Variants in METTL16 observed in about 807,000 individuals in gnomAD.
The protein encoded by METTL16 is methyltransferase 16, RNA N6-adenosine, also known as RNA N(6)-adenosine-methyltransferase METTL16.
A neutral mutation model predicts 57.9 loss-of-function variants in METTL16; 19 were observed. The ratio of observed to expected loss-of-function variants is 0.33; its 90% CI spans 0.23 to 0.48. METTL16 has a LOEUF of 0.48. METTL16 is among the 20% of genes least tolerant of loss of function. The pLI is 0.99. For missense variants in METTL16, 434 were observed against 691.5 expected (o/e 0.63, Z 4.18); for synonymous variants, 246 against 255.6 (o/e 0.96, Z 0.36).
intron 2 of METTL16, among the ~76,000 whole-genome samples, chr17:2,483,121 A>C (rs2067318743): frequency 6.6e-6 from 1 of 152,126 alleles, no homozygotes; most frequent in South Asian, 2.1e-4. Context: ...ATTACAAAAG[A>C]CAAAACCAAC....
intron 6 of METTL16, among the ~76,000 whole-genome samples, chr17:2,459,121 A>G (rs2067131022): frequency 6.6e-6 from 1 of 152,102 alleles, no homozygotes; most frequent in Non-Finnish European, 1.5e-5. Context: ...GAGTCACTTG[A>G]GAAAAAAAAG....
chr17:2,501,857 C>CAA (rs71889986), intron 2 of METTL16, among the ~76,000 whole-genome samples: 9 of 100,460 alleles, frequency 9.0e-5, no homozygotes, highest in African/African-American at 2.0e-4. Flanking sequence ...GACTTTGTCT[C>CAA]AAAAAAAAAA....
chr17:2,461,658 C>G (rs890440741), intron 6 of METTL16, among the ~76,000 whole-genome samples: 1 of 149,794 alleles, frequency 6.7e-6, no homozygotes, highest in African/African-American at 2.5e-5. Context: ...TTCACTGCAA[C>G]CTCTGCCTCC....
intron 2 of METTL16, among the ~76,000 whole-genome samples, chr17:2,495,409 G>A (rs758622787): frequency 2.6e-5 from 4 of 151,982 alleles, no homozygotes; most frequent in Non-Finnish European, 5.9e-5. Context: ...TGAAAAAGAT[G>A]ATTTCGGCTG....
intron 1 of METTL16, among the ~76,000 whole-genome samples, chr17:2,506,201 C>A (rs1179527544): frequency 6.6e-6 from 1 of 151,608 alleles, no homozygotes; most frequent in African/African-American, 2.4e-5. Context: ...TCAGGAAGAT[C>A]TTTCCTTCCC....
chr17:2,476,638 T>C (rs1288981855), intron 3 of METTL16, among the ~76,000 whole-genome samples: 1 of 152,132 alleles, frequency 6.6e-6, no homozygotes, highest in East Asian at 1.9e-4. Context: ...ATCTAGAAAT[T>C]AGGACTGCTA....
chr17:2,447,133 G>T (rs1263441774), intron 6 of METTL16, among the ~76,000 whole-genome samples: 1 of 143,268 alleles, frequency 7.0e-6, no homozygotes, highest in Non-Finnish European at 1.5e-5. Context: ...TCTAGGAAGC[G>T]AGGAGCGCCT....
At chr17:2,444,576 G>T (rs1266197125) in intron 6 of METTL16, among the ~76,000 whole-genome samples, 4 of 152,178 alleles carry the variant, frequency 2.6e-5, no homozygotes, top group African/African-American at 9.7e-5. Context: ...TAAGTGTACG[G>T]TGTTTATAAA....
intron 8 of METTL16, among the ~76,000 whole-genome samples, chr17:2,430,439 G>A (rs184335949): frequency 0.015 from 1,778 of 117,872 alleles, 40 homozygotes; most frequent in African/African-American, 0.048. Context: ...TTTTTGAGAC[G>A]GAGTCTCGCT....
chr17:2,469,034 A>G (rs2067220285), intron 4 of METTL16, among the ~76,000 whole-genome samples: 1 of 152,078 alleles, frequency 6.6e-6, no homozygotes, highest in African/African-American at 2.4e-5. Context: ...CAGGAGTTCG[A>G]GACCTGCCTG....
chr17:2,475,303 C>T (rs570678640), intron 3 of METTL16: 3 of 152,234 alleles, frequency 2.0e-5, no homozygotes, highest in East Asian at 1.9e-4. Context: ...TGGATACCTG[C>T]GGGGCAGTGA....
At chr17:2,449,652 C>T (rs2067053787) in intron 6 of METTL16, among the ~76,000 whole-genome samples, 1 of 152,140 alleles carries the variant, frequency 6.6e-6, no homozygotes, top group African/African-American at 2.4e-5. Flanking sequence ...CAGAATGGAA[C>T]AGAGTCCAGA....
At chr17:2,439,897 G>A (rs2066934601) in intron 7 of METTL16, among the ~76,000 whole-genome samples, 1 of 152,138 alleles carries the variant, frequency 6.6e-6, no homozygotes, top group Non-Finnish European at 1.5e-5. Flanking sequence ...TACCATCAGA[G>A]TAGACACAGG....
At position 2,419,004 on chromosome 17, in the gene METTL16, G is replaced by A. The variant is rs965528536; in HGVS notation, c.*966C>T. The A allele has an allele frequency of 6.5e-6, 1 of 153,020 alleles. No individual in the cohort carries two copies. The highest frequency in any genetic ancestry group is 1.9e-4 in the East Asian group (1 of 5,206). The allele number at this position is 153,020 out of a possible 1,614,324, so 9.5% of individuals were successfully genotyped here. ...CCAATGTGAGTAGGTAAGTACAGGG[G>A]GGATTACAAGTGAAGCCACAAAAAA... is the stretch of plus-strand genomic sequence containing the variant. On this transcript the variant is annotated 3_prime_UTR_variant, in exon 10 of 10. Coordinates refer to ENST00000263092, the MANE Select transcript of METTL16 (RefSeq NM_024086.4).
intron 6 of METTL16, among the ~76,000 whole-genome samples, chr17:2,460,499 T>C (rs780718035): frequency 4.2e-4 from 64 of 152,164 alleles, no homozygotes; most frequent in Non-Finnish European, 6.5e-4. Flanking sequence ...ATTTACTGTT[T>C]AAAAGCCTCC....
At chr17:2,439,087 C>A (rs796304748) in intron 7 of METTL16, among the ~76,000 whole-genome samples, 1 of 152,028 alleles carries the variant, frequency 6.6e-6, no homozygotes, top group Non-Finnish European at 1.5e-5. Flanking sequence ...GTGGAAGTGG[C>A]GGTGGGAGTA....
intron 6 of METTL16, among the ~76,000 whole-genome samples, chr17:2,458,631 G>C (rs1480986151): frequency 6.6e-6 from 1 of 152,030 alleles, no homozygotes; most frequent in African/African-American, 2.4e-5. Context: ...AGAATCACTT[G>C]AACTTGGGAG....
intron 1 of METTL16, among the ~76,000 whole-genome samples, chr17:2,506,732 T>C (rs2067539666): frequency 6.6e-6 from 1 of 152,164 alleles, no homozygotes; most frequent in East Asian, 1.9e-4. Flanking sequence ...GAGGAGCGTC[T>C]CTGCCTGGCC....
intron 6 of METTL16, among the ~76,000 whole-genome samples, chr17:2,458,721 TAC>T (rs1052469484): frequency 6.6e-6 from 1 of 151,614 alleles, no homozygotes; most frequent in African/African-American, 2.4e-5. Flanking sequence ...CACACACACA[TAC>T]ACACACACTC....
Sources: gnomAD v4.1 joint callset for allele counts (sites outside exome capture counted in the v4.1 genomes callset) on GRCh38, gnomAD v4.1.1 for gene constraint, MANE v1.5 for transcripts, NCBI Gene and HGNC (gene_info 2026-07-23, HGNC 2026-07-21) for gene names.